The following DAB1 variants were observed in gnomAD, a reference collection of about 807,000 sequenced individuals.
DAB1 encodes the protein DAB adaptor protein 1.
In DAB1, 15 loss-of-function variants were observed where a neutral mutation model predicts 64.6. The ratio of observed to expected loss-of-function variants is 0.23; its 90% CI spans 0.16 to 0.36. DAB1 has a LOEUF of 0.36. Among genes scored for constraint, DAB1 ranks in the 10% least tolerant of loss-of-function variants. The probability of loss-of-function intolerance (pLI) is 1.00; values close to 1 mark genes in which losing one functional copy is unlikely to be tolerated. For missense variants in DAB1, 596 were observed against 706.7 expected (o/e 0.84, Z 1.78); for synonymous variants, 235 against 251.9 (o/e 0.93, Z 0.64).
intron 3 of DAB1, among the ~76,000 whole-genome samples, chr1:58,360,468 T>C (rs531313036): frequency 6.6e-6 from 1 of 152,164 alleles, no homozygotes; most frequent in East Asian, 1.9e-4. Flanking sequence ...CTGACCAGCA[T>C]GAGGCACTGA....
intron 7 of DAB1, among the ~76,000 whole-genome samples, chr1:57,630,445 G>A (rs549147909): frequency 3.9e-5 from 6 of 152,230 alleles, no homozygotes; most frequent in East Asian, 1.9e-4. Flanking sequence ...TTATTTCTGC[G>A]AGAAAAAAAT....
At chr1:57,523,545 A>G (rs2101390382) in intron 7 of DAB1, among the ~76,000 whole-genome samples, 1 of 152,314 alleles carries the variant, frequency 6.6e-6, no homozygotes, top group Non-Finnish European at 1.5e-5. Flanking sequence ...GAAAGCAAAG[A>G]TATTGCAGGG....
chr1:57,760,583 C>G (rs1264572097), intron 6 of DAB1, among the ~76,000 whole-genome samples: 1 of 150,498 alleles, frequency 6.6e-6, no homozygotes, highest in African/African-American at 2.5e-5. Context: ...ACATATAATT[C>G]TTTCTCTCTC....
chr1:58,296,207 A>G (rs1383876641), intron 4 of DAB1, among the ~76,000 whole-genome samples: 1 of 119,850 alleles, frequency 8.3e-6, no homozygotes, highest in Non-Finnish European at 1.8e-5. Context: ...GAAAGAAAGA[A>G]AGAAAGAAAG....
At chr1:57,909,362 T>A (rs1644606186) in intron 5 of DAB1, among the ~76,000 whole-genome samples, 1 of 152,216 alleles carries the variant, frequency 6.6e-6, no homozygotes, top group Non-Finnish European at 1.5e-5. Flanking sequence ...AAAAACTTAG[T>A]GAAATAAGCT....
chr1:58,408,510 C>T lies in DAB1; in HGVS notation n.258-65107G>A, dbSNP rs78409681. ...ATTCTCCAGTGTTCATTGATCTATC[C>T]GTAGTGTCCAGGGCAGTGTCTGTCA... On this transcript the variant is annotated intron_variant and non_coding_transcript_variant, in intron 3 of 20. Coordinates refer to the DAB1 transcript ENST00000485760. Among the ~76,000 whole-genome samples the T allele has an allele frequency of 1.1e-3, 164 of 152,226 alleles. 2 individuals are homozygous for T. In the East Asian group the frequency reaches 0.02, roughly 19 times the overall value.
chr1:57,842,572 G>A (rs544023688), intron 1 of DAB1, among the ~76,000 whole-genome samples: 17 of 152,300 alleles, frequency 1.1e-4, no homozygotes, highest in African/African-American at 3.8e-4. Flanking sequence ...AATGGCTGGG[G>A]AGGCCTCAGG....
intron 3 of DAB1, among the ~76,000 whole-genome samples, chr1:58,423,609 G>A (rs1406535858): frequency 6.6e-6 from 1 of 152,224 alleles, no homozygotes; most frequent in African/African-American, 2.4e-5. Context: ...GCCACTGGCA[G>A]AAGATCCAAG....
chr1:57,704,778 G>A (rs1189535126), intron 6 of DAB1, among the ~76,000 whole-genome samples: 1 of 152,104 alleles, frequency 6.6e-6, no homozygotes, highest in Non-Finnish European at 1.5e-5. Flanking sequence ...GTTTCTGATT[G>A]CATTATGCAA....
intron 3 of DAB1, among the ~76,000 whole-genome samples, chr1:58,463,317 C>G (rs1645262257): frequency 6.6e-6 from 1 of 152,046 alleles, no homozygotes; most frequent in South Asian, 2.1e-4. Flanking sequence ...CTGGGGACTC[C>G]TAGACATAAG....
At chr1:57,693,602 C>T (rs114086013) in intron 6 of DAB1, among the ~76,000 whole-genome samples, 2,320 of 152,324 alleles carry the variant, frequency 0.015, 85 homozygotes, top group African/African-American at 0.053. Flanking sequence ...CTCAGGTCTC[C>T]TTCCACGCTG....
intron 3 of DAB1, among the ~76,000 whole-genome samples, chr1:58,386,212 T>C (rs1047281610): frequency 6.6e-6 from 1 of 152,162 alleles, no homozygotes; most frequent in African/African-American, 2.4e-5. Flanking sequence ...ACATGAGCCC[T>C]GAGAAATGAG....
At chr1:57,806,041 A>G (rs1651345893) in intron 6 of DAB1, among the ~76,000 whole-genome samples, 1 of 152,210 alleles carries the variant, frequency 6.6e-6, no homozygotes, top group East Asian at 1.9e-4. Context: ...CTGTGCCTCA[A>G]TACTCCAACG....
At chr1:58,522,802 C>A (rs1386369910) in intron 2 of DAB1, among the ~76,000 whole-genome samples, 2 of 152,040 alleles carry the variant, frequency 1.3e-5, no homozygotes, top group Non-Finnish European at 2.9e-5. Flanking sequence ...TTAAGAAAAC[C>A]ATAAGGAAGA....
chr1:57,653,422 G>A (rs1312517527), intron 6 of DAB1, among the ~76,000 whole-genome samples: 2 of 152,030 alleles, frequency 1.3e-5, no homozygotes, highest in African/African-American at 4.8e-5. Flanking sequence ...TTTTTAACAT[G>A]TAGATAGTAT....
chr1:57,591,413 G>A (rs1181913026), intron 7 of DAB1, among the ~76,000 whole-genome samples: 1 of 152,220 alleles, frequency 6.6e-6, no homozygotes, highest in African/African-American at 2.4e-5. Context: ...TGTTCAGGAA[G>A]GAATGGACCA....
intron 1 of DAB1, among the ~76,000 whole-genome samples, chr1:57,883,841 T>C (rs1644183074): frequency 6.6e-6 from 1 of 152,184 alleles, no homozygotes; most frequent in African/African-American, 2.4e-5. Flanking sequence ...AAACAAATAA[T>C]GAACCTTGGG....
chr1:57,879,000 G>A (rs1399634940), intron 1 of DAB1, among the ~76,000 whole-genome samples: 1 of 152,080 alleles, frequency 6.6e-6, no homozygotes, highest in Non-Finnish European at 1.5e-5. Context: ...GTGAATGACA[G>A]GATTTTGTTC....
intron 2 of DAB1, among the ~76,000 whole-genome samples, chr1:57,207,974 A>G (rs1369229486): frequency 6.6e-6 from 1 of 152,220 alleles, no homozygotes; most frequent in African/African-American, 2.4e-5. Flanking sequence ...CCTGGAACCC[A>G]AGGTGGGGAA....
Sources: allele counts gnomAD v4.1 joint callset (sites outside exome capture counted in the v4.1 genomes callset), GRCh38; gene constraint gnomAD v4.1.1; transcripts MANE v1.5; gene names NCBI Gene and HGNC (gene_info 2026-07-23, HGNC 2026-07-21).